Variants in FBXL17 observed in about 807,000 individuals in gnomAD.
FBXL17 encodes F-box and leucine rich repeat protein 17, also known as F-box/LRR-repeat protein 17.
A neutral mutation model predicts 66.2 loss-of-function variants in FBXL17; 22 were observed. The observed-to-expected ratio is 0.33, with a 90% CI of 0.24 to 0.47. The LOEUF (loss-of-function observed/expected upper bound fraction) is 0.47. FBXL17 is among the 20% of genes least tolerant of loss of function. The pLI, the probability that FBXL17 is intolerant of heterozygous loss-of-function variation, is 1.00. For missense variants in FBXL17, 878 were observed against 948.2 expected (o/e 0.93, Z 0.97); for synonymous variants, 474 against 400.5 (o/e 1.18, Z -2.19).
At chr5:108,017,353 C>T (rs944736472) in intron 7 of FBXL17, among the ~76,000 whole-genome samples, 5 of 152,146 alleles carry the variant, frequency 3.3e-5, no homozygotes, top group Non-Finnish European at 7.4e-5. Context: ...CAGGTATAGA[C>T]TAATGTAGGT....
rs529058140 is a variant in FBXL17, at chr5:108,059,578, T to C, written c.1746-38577A>G. Among the ~76,000 whole-genome samples the C allele has an allele frequency of 1.1e-4, 16 of 152,318 alleles. No individual in the cohort carries two copies. In the East Asian group the frequency reaches 3.1e-3, roughly 29 times the overall value. ...GTGGAAGGCTAAGGAGGAACAGCTA[T>C]GAGCACTGCAGGAGACCGCCTCAGG... On this transcript the variant is annotated intron_variant, in intron 6 of 8. Coordinates refer to ENST00000542267, the MANE Select transcript of FBXL17 (RefSeq NM_001163315.3).
intron 7 of FBXL17, among the ~76,000 whole-genome samples, chr5:107,964,106 C>T (rs1480245037): frequency 3.9e-5 from 6 of 152,252 alleles, no homozygotes; most frequent in Non-Finnish European, 7.4e-5. Flanking sequence ...CACTCTAGTA[C>T]AGACAGGTGA....
chr5:107,913,320 C>G (rs1750011391), intron 7 of FBXL17, among the ~76,000 whole-genome samples: 1 of 151,814 alleles, frequency 6.6e-6, no homozygotes, highest in African/African-American at 2.4e-5. Context: ...TCCAAGTAGG[C>G]AGAATGTAGA....
intron 6 of FBXL17, among the ~76,000 whole-genome samples, chr5:108,156,166 T>C (rs1270328999): frequency 3.9e-5 from 6 of 152,144 alleles, no homozygotes; most frequent in African/African-American, 9.6e-5. Flanking sequence ...TGATTTCTAT[T>C]ACAATAGGCA....
chr5:108,357,889 C>CAT (rs34386664), intron 3 of FBXL17, among the ~76,000 whole-genome samples: 129,910 of 151,910 alleles, frequency 0.86, 55,854 homozygotes, highest in African/African-American at 0.95. Context: ...AAAAATAAAA[C>CAT]ATCAAAATTT....
intron 7 of FBXL17, among the ~76,000 whole-genome samples, chr5:107,980,978 A>G (rs1258934420): frequency 6.6e-6 from 1 of 152,052 alleles, no homozygotes; most frequent in Admixed American, 6.5e-5. Flanking sequence ...GCTATTTACT[A>G]CATCTCCTTA....
rs574147238 is a variant in FBXL17 at position 107,998,377 on chromosome 5, G to A, written c.1822+22548C>T. 1.7e-3 allele frequency among the ~76,000 whole-genome samples: 252 copies of A among 152,154 alleles called. 2 individuals are homozygous for A. Among genetic ancestry groups the A allele is most frequent in the African/African-American group, 5.9e-3 (243 of 41,522 alleles). The stretch of plus-strand genomic sequence containing the variant: ...AGCAATTACTTTCTTCAACTCAAAC[G>A]TAAAGGGTTAAACTTCATTAAGAAT... On this transcript the variant is annotated intron_variant, in intron 7 of 8. Coordinates refer to ENST00000542267, the MANE Select transcript of FBXL17 (RefSeq NM_001163315.3).
At chr5:108,065,603 T>C (rs915895835) in intron 6 of FBXL17, among the ~76,000 whole-genome samples, 2 of 152,184 alleles carry the variant, frequency 1.3e-5, no homozygotes, top group Non-Finnish European at 2.9e-5. Context: ...TCAAGGCTAA[T>C]AATTCAAGGT....
chr5:107,921,154 T>C (rs1484666230), intron 7 of FBXL17, among the ~76,000 whole-genome samples: 1 of 152,240 alleles, frequency 6.6e-6, no homozygotes, highest in African/African-American at 2.4e-5. Flanking sequence ...ACAGTTTGAA[T>C]AGAAGGTTTC....
intron 7 of FBXL17, among the ~76,000 whole-genome samples, chr5:107,986,942 T>C (rs1338621438): frequency 6.6e-6 from 1 of 152,058 alleles, no homozygotes; most frequent in Non-Finnish European, 1.5e-5. Context: ...TTTTTTCTAA[T>C]TTTAATGCTA....
intron 4 of FBXL17, among the ~76,000 whole-genome samples, chr5:108,271,644 A>C (rs1002611181): frequency 1.3e-5 from 2 of 152,210 alleles, no homozygotes; most frequent in Admixed American, 6.5e-5. Context: ...CAGATAATAA[A>C]CTATAAAACA....
intron 3 of FBXL17, among the ~76,000 whole-genome samples, chr5:108,352,548 T>C (rs1580871607): frequency 6.6e-6 from 1 of 152,220 alleles, no homozygotes; most frequent in East Asian, 1.9e-4. Flanking sequence ...TTTCGCTCTT[T>C]CGCCCAGGCT....
At chr5:108,268,435 T>C (rs1038746220) in intron 4 of FBXL17, among the ~76,000 whole-genome samples, 2 of 152,054 alleles carry the variant, frequency 1.3e-5, no homozygotes, top group Non-Finnish European at 2.9e-5. Context: ...TGGTTCAACG[T>C]TATCAGAAAA....
chr5:108,350,832 G>A (rs1423652663), intron 3 of FBXL17, among the ~76,000 whole-genome samples: 3 of 152,132 alleles, frequency 2.0e-5, no homozygotes, highest in African/African-American at 4.8e-5. Context: ...GAAGGTACTG[G>A]AATCTGTGCT....
At chr5:108,182,177 C>A (rs768562582) in intron 6 of FBXL17, among the ~76,000 whole-genome samples, 6 of 152,114 alleles carry the variant, frequency 3.9e-5, no homozygotes, top group Non-Finnish European at 8.8e-5. Flanking sequence ...GACACGGTAG[C>A]AAGTATTTAG....
rs34578987 is a variant in FBXL17, at chr5:107,913,973, G to GTT, written c.1823-32796_1823-32795dup. 3.2e-3 allele frequency among the ~76,000 whole-genome samples: 467 copies of GTT among 146,776 alleles called. 2 individuals are homozygous for GTT. Among genetic ancestry groups the GTT allele is most frequent in the African/African-American group, 4.8e-3 (191 of 39,946 alleles). ...AAAGACTTTAGGTTTCATTTTATGAGTTTTTTTTTTTTTAACAGGAGGCAC... is the reference window on the plus strand; with the variant it reads ...AAAGACTTTAGGTTTCATTTTATGAGTTTTTTTTTTTTTTTAACAGGAGGCAC... On this transcript the variant is annotated intron_variant, in intron 7 of 8. Coordinates refer to ENST00000542267, the MANE Select transcript of FBXL17 (RefSeq NM_001163315.3).
chr5:108,301,856 A>G (rs1023473362), intron 4 of FBXL17: 1 of 187,890 alleles, frequency 5.3e-6, no homozygotes, highest in African/African-American at 2.4e-5. Flanking sequence ...TGCCTATCAT[A>G]CCAATAAATG....
intron 7 of FBXL17, among the ~76,000 whole-genome samples, chr5:108,016,774 C>T (rs1054896257): frequency 4.5e-5 from 6 of 134,784 alleles, no homozygotes; most frequent in African/African-American, 1.2e-4. Flanking sequence ...TTTTTTCTTT[C>T]TTTCTTTCTT....
In FBXL17 at chr5:107,861,818, G is replaced by C. The variant is rs561938338; in HGVS notation, c.2008C>G (p.His670Asp). ...TVEQLVQQYP[H>D]ITFSTVLQDC... ...TGCAGGACGGTGCTGAAGGTGATGT[G>C]GGGGTACTGCTGCACCAGCTGTTCC... Residue 670 changes from histidine (H) to aspartate (D), a missense_variant, in exon 9 of 9, where the codon CAC becomes GAC. His to Asp is a moderately conservative substitution (Grantham distance 81). Transcript: ENST00000542267. 1 of 1,569,784 alleles carries C rather than the reference G, an allele frequency of 6.4e-7. No individual in the cohort carries two copies. Among genetic ancestry groups the C allele is most frequent in the East Asian group, 2.4e-5 (1 of 41,906 alleles).
Sources: gnomAD v4.1 joint callset for allele counts (sites outside exome capture counted in the v4.1 genomes callset) on GRCh38, gnomAD v4.1.1 for gene constraint, MANE v1.5 for transcripts, NCBI Gene and HGNC (gene_info 2026-07-23, HGNC 2026-07-21) for gene names.